SLC12A2: variants seen among roughly 807,000 people sequenced by gnomAD.
SLC12A2 encodes the protein Na-K-2Cl cotransporter 1.
A neutral mutation model predicts 136.3 loss-of-function variants in SLC12A2; 67 were observed. The ratio of observed to expected loss-of-function variants is 0.49; its 90% CI spans 0.40 to 0.60. The LOEUF (loss-of-function observed/expected upper bound fraction) is 0.60. SLC12A2 is among the 20% of genes least tolerant of loss of function. The pLI, the probability that SLC12A2 is intolerant of heterozygous loss-of-function variation, is 0.00. For missense variants in SLC12A2, 1,322 were observed against 1,534.7 expected, an observed-to-expected ratio of 0.86 and a Z score of 2.32; for synonymous variants, 619 against 562.9, an observed-to-expected ratio of 1.10 and a Z score of -1.41.
chr5:128,119,093 A>G (rs1439739440), intron 4 of SLC12A2, among the ~76,000 whole-genome samples: 2 of 145,178 alleles, frequency 1.4e-5, no homozygotes, highest in Non-Finnish European at 3.0e-5. Flanking sequence ...CCTGAGTTGG[A>G]TTTCCTACAG....
intron 1 of SLC12A2, among the ~76,000 whole-genome samples, chr5:128,098,516 G>T (rs969938930): frequency 6.7e-6 from 1 of 149,950 alleles, no homozygotes; most frequent in African/African-American, 2.5e-5. Context: ...TTGAGTGTGT[G>T]TTACATTTTC....
At chr5:128,169,816 A>G (rs939694794) in intron 18 of SLC12A2, 1 of 152,218 alleles carries the variant, frequency 6.6e-6, no homozygotes, top group African/African-American at 2.4e-5. Flanking sequence ...TATTAGTTGT[A>G]GTTGCTCATA....
At chr5:128,155,726 C>T (rs569737667) in intron 15 of SLC12A2, among the ~76,000 whole-genome samples, 8 of 152,176 alleles carry the variant, frequency 5.3e-5, no homozygotes, top group Middle Eastern at 3.4e-3. Context: ...CAGGGAAGTT[C>T]GGCATTGGTA....
At chr5:128,119,827 G>A (rs1386946680) in intron 4 of SLC12A2, among the ~76,000 whole-genome samples, 1 of 152,148 alleles carries the variant, frequency 6.6e-6, no homozygotes, top group Non-Finnish European at 1.5e-5. Context: ...AACACCAAAA[G>A]CAATGACAAC....
rs1759886150 is a variant in SLC12A2 at position 128,083,798 on chromosome 5, T to C, written c.-157T>C. ...CGCGCTCGCTCGGCTGCCGGTGGCCTCTGTGGCCGTCCAGGCTAGCGGCGG... is the reference window on the plus strand; with the variant it reads ...CGCGCTCGCTCGGCTGCCGGTGGCCCCTGTGGCCGTCCAGGCTAGCGGCGG... On this transcript the variant is annotated 5_prime_UTR_variant, in exon 1 of 27. Transcript: ENST00000262461. 24 of 503,246 alleles carry C rather than the reference T, an allele frequency of 4.8e-5. No individual in the cohort carries two copies. The South Asian group carries it at 2.2e-3, about 45-fold the overall frequency. 31.2% of individuals were successfully genotyped at this position (503,246 alleles called of 1,614,324 possible).
rs748604489 is a variant in SLC12A2, at chr5:128,138,619, T to A, written c.1431T>A (p.Phe477Leu). 2.0e-5 allele frequency: 33 copies of A among 1,610,722 alleles called. No individual in the cohort carries two copies. The Middle Eastern group carries it at 6.6e-4, about 32-fold the overall frequency. Residue 477 changes from phenylalanine to leucine, a missense_variant, in exon 8 of 27, where the codon TTT becomes TTA. Phe to Leu is a conservative substitution (Grantham distance 22, BLOSUM62 0). This residue lies in a region of SLC12A2 where 110 missense variants were observed against 114.5 expected (regional missense o/e 0.96). Coordinates refer to ENST00000262461, the MANE Select transcript of SLC12A2 (RefSeq NM_001046.3). ...GYKSEIFNEN[F>L]GPDFREEETF... ...CAGCTGAAATATTTAATGAGAACTT[T>A]GGGCCCGATTTTCGAGAGGAAGAGA...
chr5:128,162,561 T>C (rs1033812931), intron 17 of SLC12A2, among the ~76,000 whole-genome samples: 1 of 152,114 alleles, frequency 6.6e-6, no homozygotes, highest in Non-Finnish European at 1.5e-5. Context: ...TCAGTAGTTT[T>C]GTAGTTTAAA....
At chr5:128,146,586 A>G (rs1212844323) in intron 10 of SLC12A2, among the ~76,000 whole-genome samples, 2 of 151,108 alleles carry the variant, frequency 1.3e-5, no homozygotes, top group African/African-American at 2.4e-5. Context: ...GAACATGTAC[A>G]CAGAGAAAGC....
chr5:128,153,381 C>G (rs981500031), intron 15 of SLC12A2, among the ~76,000 whole-genome samples: 4 of 152,082 alleles, frequency 2.6e-5, no homozygotes, highest in Admixed American at 2.6e-4. Context: ...ATGGTGAAAC[C>G]TTGTCTCTAC....
chr5:128,109,469 G>A (rs1033220695), intron 1 of SLC12A2: 5 of 485,534 alleles, frequency 1.0e-5, no homozygotes, highest in Non-Finnish European at 1.6e-5. Context: ...GGATCATTTC[G>A]AGAGTCCGTC....
chr5:128,186,439 T>C (rs549185445), intron 26 of SLC12A2, 57 bp from the exon 27 acceptor site: 1 of 1,524,688 alleles, frequency 6.6e-7, no homozygotes, highest in South Asian at 1.3e-5. Context: ...CTACATTTTA[T>C]TCTGTAAATG....
At chr5:128,088,439 C>T (rs1381117104) in intron 1 of SLC12A2, among the ~76,000 whole-genome samples, 1 of 152,126 alleles carries the variant, frequency 6.6e-6, no homozygotes, top group East Asian at 1.9e-4. Context: ...TGATGGACAT[C>T]TTCAACATGT....
intron 4 of SLC12A2, among the ~76,000 whole-genome samples, chr5:128,126,136 T>C (rs925327580): frequency 3.9e-5 from 6 of 152,236 alleles, no homozygotes; most frequent in African/African-American, 1.4e-4. Context: ...TTTAGCATTT[T>C]CATATAAATT....
chr5:128,152,560 T>C lies in SLC12A2; in HGVS notation c.2264-146T>C, dbSNP rs540316585. On this transcript the variant is annotated intron_variant, in intron 14 of 26. Transcript: ENST00000262461. ...TTATCAGTCTTAATATCTTGCTGTA[T>C]ATGTGAACTATTGAAAGTACAATAG... 5.1e-5 allele frequency: 32 copies of C among 627,452 alleles called. No individual in the cohort carries two copies. In the East Asian group the frequency reaches 5.8e-4, roughly 11 times the overall value. 38.9% of individuals were successfully genotyped at this position (627,452 alleles called of 1,614,324 possible).
chr5:128,097,088 A>G (rs1157831402), intron 1 of SLC12A2, among the ~76,000 whole-genome samples: 2 of 152,116 alleles, frequency 1.3e-5, no homozygotes, highest in Non-Finnish European at 2.9e-5. Flanking sequence ...CCTTCCTAGA[A>G]TATTAGATTT....
intron 4 of SLC12A2, among the ~76,000 whole-genome samples, chr5:128,118,563 G>A (rs1457623084): frequency 1.3e-5 from 2 of 152,152 alleles, no homozygotes; most frequent in African/African-American, 2.4e-5. Context: ...CTTTGGGGAT[G>A]CGGGTGGAAG....
At chr5:128,170,661 G>A (rs1003500733) in intron 18 of SLC12A2, 2 of 152,116 alleles carry the variant, frequency 1.3e-5, no homozygotes, top group Admixed American at 1.3e-4. Context: ...TGACGTTTTG[G>A]AATTTAAAAT....
chr5:128,165,501 A>G (rs927703983), intron 17 of SLC12A2, among the ~76,000 whole-genome samples: 1 of 152,168 alleles, frequency 6.6e-6, no homozygotes, highest in Non-Finnish European at 1.5e-5. Context: ...TCCATGAAGA[A>G]CTCATTTCCG....
intron 1 of SLC12A2, among the ~76,000 whole-genome samples, chr5:128,093,216 C>T (rs1197635764): frequency 6.6e-6 from 1 of 152,106 alleles, no homozygotes; most frequent in East Asian, 1.9e-4. Flanking sequence ...TTGGTCACTT[C>T]CTTGGCTTCT....
Sources: gnomAD v4.1 joint callset for allele counts (sites outside exome capture counted in the v4.1 genomes callset) on GRCh38, gnomAD v4.1.1 for gene constraint, gnomAD v4.1.1 regional missense constraint, MANE v1.5 for transcripts, NCBI Gene and HGNC (gene_info 2026-07-23, HGNC 2026-07-21) for gene names.